DOCK2: variants seen among roughly 807,000 people sequenced by gnomAD.
DOCK2 encodes dedicator of cytokinesis protein 2.
DOCK2 carries 87 observed loss-of-function variants against 248.9 expected under a neutral mutation model. That is an observed-to-expected ratio of 0.35 (90% CI 0.29 to 0.42). The LOEUF is 0.42. Among genes scored for constraint, DOCK2 ranks in the 10% least tolerant of loss-of-function variants. The pLI is 1.00. For missense variants in DOCK2, 1,747 were observed against 2,300.2 expected, an observed-to-expected ratio of 0.76 and a Z score of 4.92; for synonymous variants, 805 against 821.6, an observed-to-expected ratio of 0.98 and a Z score of 0.35.
chr5:170,036,908 T>G (rs1756342837), intron 36 of DOCK2, among the ~76,000 whole-genome samples: 1 of 152,318 alleles, frequency 6.6e-6, no homozygotes. Flanking sequence ...AGACATGTAG[T>G]AAGACCATTG....
chr5:169,653,106 A>G (rs1164354355), intron 1 of DOCK2, among the ~76,000 whole-genome samples: 1 of 152,182 alleles, frequency 6.6e-6, no homozygotes, highest in Non-Finnish European at 1.5e-5. Context: ...TGGAAATAAT[A>G]AGACTTCTCA....
At chr5:169,960,997 C>T (rs1020118136) in intron 27 of DOCK2, among the ~76,000 whole-genome samples, 4 of 152,160 alleles carry the variant, frequency 2.6e-5, no homozygotes, top group African/African-American at 9.7e-5. Flanking sequence ...TCCATGGAGT[C>T]TTGGAACATA....
chr5:169,793,088 A>G (rs1189406668), intron 25 of DOCK2, among the ~76,000 whole-genome samples: 1 of 152,184 alleles, frequency 6.6e-6, no homozygotes, highest in Non-Finnish European at 1.5e-5. Flanking sequence ...AGAGATGTTG[A>G]TGGGAGTCTT....
chr5:169,867,540 GTATC>G (rs1318963937), intron 27 of DOCK2, among the ~76,000 whole-genome samples: 8 of 151,398 alleles, frequency 5.3e-5, no homozygotes, highest in Admixed American at 4.6e-4. Flanking sequence ...CATCTATCAT[GTATC>G]TATCATCTAT....
intron 26 of DOCK2, among the ~76,000 whole-genome samples, chr5:169,804,658 C>T (rs1767242598): frequency 6.6e-6 from 1 of 152,146 alleles, no homozygotes; most frequent in African/African-American, 2.4e-5. Context: ...ATCCTAGATA[C>T]TAAGGCTTAT....
chr5:169,812,725 A>G (rs1195177588), intron 26 of DOCK2, among the ~76,000 whole-genome samples: 1 of 152,104 alleles, frequency 6.6e-6, no homozygotes, highest in Non-Finnish European at 1.5e-5. Context: ...TTCTTCCCTC[A>G]CTGTTCCGAT....
In DOCK2 at chr5:169,833,076, T is replaced by C. The variant is rs574515524; in HGVS notation, c.2704-7681T>C. The stretch of plus-strand genomic sequence containing the variant: ...TCATTCTAGCTCTGATGACATTTCC[T>C]GTCACACAACACTGGTCATATTACC... On this transcript the variant is annotated intron_variant, in intron 26 of 51. Coordinates refer to ENST00000520908, the MANE Select transcript of DOCK2 (RefSeq NM_004946.3). 3.3e-5 allele frequency among the ~76,000 whole-genome samples: 5 copies of C among 152,344 alleles called. No homozygotes were observed. The East Asian group carries it at 9.7e-4, about 29-fold the overall frequency.
intron 26 of DOCK2, among the ~76,000 whole-genome samples, chr5:169,825,834 AAG>A (rs1311880948): frequency 6.7e-6 from 1 of 149,084 alleles, no homozygotes; most frequent in Non-Finnish European, 1.5e-5. Context: ...TTAAAAAAAA[AAG>A]AAAAAAACAA....
intron 29 of DOCK2, among the ~76,000 whole-genome samples, chr5:169,986,561 C>A (rs1222270378): frequency 6.6e-6 from 1 of 152,190 alleles, no homozygotes; most frequent in Non-Finnish European, 1.5e-5. Context: ...GTCTCTGCTC[C>A]TAGGTTTCTT....
intron 45 of DOCK2, among the ~76,000 whole-genome samples, chr5:170,068,272 A>G (rs1343967779): frequency 2.0e-5 from 3 of 152,240 alleles, no homozygotes; most frequent in Non-Finnish European, 4.4e-5. Flanking sequence ...TATGAGTTAC[A>G]TTATCCACTG....
chr5:169,775,530 TAGC>T (rs1476082157), intron 25 of DOCK2, among the ~76,000 whole-genome samples: 3 of 152,144 alleles, frequency 2.0e-5, no homozygotes, highest in Non-Finnish European at 4.4e-5. Context: ...GGACCCAGAA[TAGC>T]AGTCTCTGGT....
chr5:169,882,961 G>A, intron 27 of DOCK2: 1 of 1,551,752 alleles, frequency 6.4e-7, no homozygotes, highest in Non-Finnish European at 8.7e-7. Flanking sequence ...GGAGCCTTGT[G>A]AGGGGGAACT....
At chr5:169,709,952 T>C (rs1761485510) in intron 15 of DOCK2, among the ~76,000 whole-genome samples, 2 of 152,218 alleles carry the variant, frequency 1.3e-5, no homozygotes, top group Non-Finnish European at 2.9e-5. Context: ...ATCCTGGGGC[T>C]AGGATTCTGT....
chr5:169,958,100 G>A (rs1776938773), intron 27 of DOCK2, among the ~76,000 whole-genome samples: 2 of 152,148 alleles, frequency 1.3e-5, no homozygotes, highest in African/African-American at 4.8e-5. Flanking sequence ...GAGTGCAAGT[G>A]TGAAACATGA....
intron 24 of DOCK2, 131 bp downstream of exon 24, chr5:169,759,906 T>C: frequency 1.1e-6 from 1 of 941,262 alleles, no homozygotes; most frequent in South Asian, 1.6e-5. Context: ...GCAGGGGATG[T>C]TTTCAGGGTT....
At chr5:169,873,540 A>C (rs1435093049) in intron 27 of DOCK2, among the ~76,000 whole-genome samples, 2 of 152,154 alleles carry the variant, frequency 1.3e-5, no homozygotes, top group African/African-American at 2.4e-5. Context: ...TTTACTGTGG[A>C]CTTCATTGCT....
intron 22 of DOCK2, among the ~76,000 whole-genome samples, chr5:169,732,840 C>T (rs1380626636): frequency 1.3e-5 from 2 of 152,072 alleles, no homozygotes; most frequent in East Asian, 3.9e-4. Flanking sequence ...TTTGGATTTC[C>T]TAAATAGACA....
intron 2 of DOCK2, among the ~76,000 whole-genome samples, chr5:169,658,980 C>CTTT (rs1758289490): frequency 7.3e-6 from 1 of 136,260 alleles, no homozygotes; most frequent in Admixed American, 7.5e-5. Context: ...TACAAGACTG[C>CTTT]ATTATTATTA....
intron 46 of DOCK2, 81 bp downstream of exon 46, chr5:170,069,301 T>C (rs1757601633): frequency 1.4e-6 from 2 of 1,439,280 alleles, no homozygotes; most frequent in East Asian, 2.4e-5. Flanking sequence ...CGCTAGGCTC[T>C]AGCTGAGGCA....
Sources: allele counts gnomAD v4.1 joint callset (sites outside exome capture counted in the v4.1 genomes callset), GRCh38; gene constraint gnomAD v4.1.1; transcripts MANE v1.5; gene names NCBI Gene and HGNC (gene_info 2026-07-23, HGNC 2026-07-21).